Variants in FGF13 observed in about 807,000 individuals in gnomAD.
FGF13 encodes the protein fibroblast growth factor 13.
FGF13 carries 2 observed loss-of-function variants against 19.5 expected under a neutral mutation model. That is an observed-to-expected ratio of 0.10 (90% confidence interval 0.04 to 0.32). The LOEUF (loss-of-function observed/expected upper bound fraction) is 0.32, where lower values mean the gene tolerates loss of function less well. Ranked by LOEUF, FGF13 falls within the 10% of genes least tolerant of loss-of-function variation. FGF13 has a pLI of 1.00. For synonymous variants in FGF13, 72 were observed against 76.9 expected, an observed-to-expected ratio of 0.94 and a Z score of 0.33; for missense variants, 113 against 192.7, an observed-to-expected ratio of 0.59 and a Z score of 2.45.
chrX:138,811,405 C>T (rs964484359), intron 3 of FGF13, among the ~76,000 whole-genome samples: 3 of 109,852 alleles, frequency 2.7e-5, no homozygotes, highest in East Asian at 2.9e-4. Context: ...TGAGAACACT[C>T]GGACACAGGA....
intron 1 of FGF13, among the ~76,000 whole-genome samples, chrX:139,029,014 A>T (rs1288298113): frequency 9.0e-6 from 1 of 110,834 alleles, no homozygotes; most frequent in Non-Finnish European, 1.9e-5. Flanking sequence ...TATGACCTTA[A>T]GGAAATCATT....
intron 1 of FGF13, among the ~76,000 whole-genome samples, chrX:139,163,229 T>G (rs1167948064): frequency 9.0e-6 from 1 of 111,723 alleles, no homozygotes; most frequent in Non-Finnish European, 1.9e-5. Context: ...AGGATGAGTT[T>G]ATGTCCTTTG....
chrX:139,028,424 T>C (rs1331271293), intron 1 of FGF13, among the ~76,000 whole-genome samples: 1 of 111,289 alleles, frequency 9.0e-6, no homozygotes, highest in Admixed American at 9.6e-5. Flanking sequence ...TGGAAATTCC[T>C]GGAATTGAGG....
chrX:139,197,182 T>C (rs945499150), intron 1 of FGF13, among the ~76,000 whole-genome samples: 3 of 112,335 alleles, frequency 2.7e-5, no homozygotes, highest in Non-Finnish European at 5.6e-5. Flanking sequence ...TATTGATTAC[T>C]ACAAGGCCAA....
At chrX:139,197,985 C>A (rs1340163823) in intron 1 of FGF13, among the ~76,000 whole-genome samples, 1 of 86,426 alleles carries the variant, frequency 1.2e-5, no homozygotes, top group African/African-American at 4.7e-5. Context: ...CAGATTGAGA[C>A]CCTACCTCAA....
chrX:138,879,743 G>A (rs1407052377), intron 1 of FGF13, among the ~76,000 whole-genome samples: 1 of 108,825 alleles, frequency 9.2e-6, no homozygotes, highest in Non-Finnish European at 1.9e-5. Flanking sequence ...CCACTACCTA[G>A]TCAATGCCAT....
chrX:138,725,331 G>A (rs371709040), intron 1 of FGF13, among the ~76,000 whole-genome samples: 1 of 111,040 alleles, frequency 9.0e-6, no homozygotes, highest in African/African-American at 3.3e-5. Context: ...TTGAGTACAC[G>A]AATAATACTG....
intron 1 of FGF13, among the ~76,000 whole-genome samples, chrX:139,111,137 A>G (rs2083598267): frequency 8.9e-6 from 1 of 112,321 alleles, no homozygotes; most frequent in South Asian, 3.7e-4. Flanking sequence ...AGGCAGAGAT[A>G]GAGTGGAGGG....
At chrX:139,095,121 A>G (rs775329383) in intron 1 of FGF13, among the ~76,000 whole-genome samples, 2 of 112,165 alleles carry the variant, frequency 1.8e-5, no homozygotes, top group Non-Finnish European at 3.8e-5. Flanking sequence ...TTAATTGAGG[A>G]AGCTGTTGTT....
chrX:138,740,311 AC>A (rs1042516961), upstream of FGF13, among the ~76,000 whole-genome samples: 1 of 111,478 alleles, frequency 9.0e-6, no homozygotes, highest in African/African-American at 3.3e-5. Context: ...AATTACCAAC[AC>A]CCACGAGGAG....
intron 2 of FGF13, among the ~76,000 whole-genome samples, chrX:138,707,276 T>A (rs937950814): frequency 5.4e-5 from 6 of 111,501 alleles, no homozygotes; most frequent in Non-Finnish European, 1.1e-4. Context: ...ACTTTTTTTT[T>A]ATTTCTTTTC....
chrX:139,003,964 CG>C (rs1556332329), intron 1 of FGF13, among the ~76,000 whole-genome samples: 1 of 112,595 alleles, frequency 8.9e-6, no homozygotes, highest in Admixed American at 9.3e-5. Context: ...GTGGCTTCAC[CG>C]AGTGGATCCT....
chrX:139,131,953 T>G (rs1167109765), intron 1 of FGF13, among the ~76,000 whole-genome samples: 1 of 112,034 alleles, frequency 8.9e-6, no homozygotes, highest in African/African-American at 3.2e-5. Context: ...TCTGCTCTGG[T>G]TCATCTGATT....
At chrX:138,966,620 G>T (rs2091896097) in intron 1 of FGF13, among the ~76,000 whole-genome samples, 1 of 111,941 alleles carries the variant, frequency 8.9e-6, no homozygotes, top group East Asian at 2.8e-4. Context: ...TAGGCAGAAA[G>T]GACTTGCCTT....
chrX:139,106,004 G>A (rs2083557267), intron 1 of FGF13, among the ~76,000 whole-genome samples: 1 of 112,226 alleles, frequency 8.9e-6, no homozygotes, highest in Non-Finnish European at 1.9e-5. Flanking sequence ...AGATTGTGGA[G>A]AGGCATTTGG....
At chrX:138,775,702 C>G (rs2090582444) in intron 3 of FGF13, among the ~76,000 whole-genome samples, 1 of 112,564 alleles carries the variant, frequency 8.9e-6, no homozygotes, top group African/African-American at 3.2e-5. Flanking sequence ...CAAGATGGCA[C>G]TAATTCTTCT....
upstream of FGF13, among the ~76,000 whole-genome samples, chrX:138,715,451 A>C (rs1017640189): frequency 1.8e-5 from 2 of 112,753 alleles, no homozygotes; most frequent in Non-Finnish European, 3.7e-5. Flanking sequence ...GATTTCATCT[A>C]TTTTAACTGT....
chrX:138,648,228 C>T (rs1482040793), intron 3 of FGF13, among the ~76,000 whole-genome samples: 2 of 111,991 alleles, frequency 1.8e-5, no homozygotes, highest in Non-Finnish European at 3.8e-5. Flanking sequence ...AACCGTAACA[C>T]TCCCTTAATA....
chrX:138,761,908 C>T (rs1233349624), intron 3 of FGF13, among the ~76,000 whole-genome samples: 1 of 110,258 alleles, frequency 9.1e-6, no homozygotes, highest in Non-Finnish European at 1.9e-5. Flanking sequence ...TGACAGAGGT[C>T]TGTCAACACC....
Sources: gnomAD v4.1 joint callset for allele counts (sites outside exome capture counted in the v4.1 genomes callset) on GRCh38, gnomAD v4.1.1 for gene constraint, MANE v1.5 for transcripts, NCBI Gene and HGNC (gene_info 2026-07-23, HGNC 2026-07-21) for gene names.